NUP37: variants seen among roughly 807,000 people sequenced by gnomAD.
NUP37 encodes nucleoporin 37.
Under a neutral mutation model 45.4 loss-of-function variants are expected in NUP37, and 33 were observed. That is an observed-to-expected ratio of 0.73 (90% confidence interval 0.55 to 0.97). NUP37 has a LOEUF of 0.97. Ranked by LOEUF, NUP37 falls within the 50% of genes least tolerant of loss-of-function variation. The pLI, the probability that NUP37 is intolerant of heterozygous loss-of-function variation, is 0.00. For missense variants in NUP37, 365 were observed against 389.7 expected (o/e 0.94, Z 0.53); for synonymous variants, 127 against 130.7 (o/e 0.97, Z 0.19).
intron 3 of NUP37, among the ~76,000 whole-genome samples, chr12:102,109,970 C>CTTTT (rs1880263973): frequency 6.6e-6 from 1 of 152,178 alleles, no homozygotes; most frequent in East Asian, 1.9e-4. Flanking sequence ...AGGAAATCAA[C>CTTTT]AGCACACCAG....
rs1029175048 is a variant in NUP37 at position 102,109,913 on chromosome 12, G to A, written c.281+2195C>T. Among the ~76,000 whole-genome samples, 5 of 152,138 alleles carry A rather than the reference G, an allele frequency of 3.3e-5. No homozygotes were observed. In the South Asian group the frequency reaches 1.0e-3, roughly 32 times the overall value. On this transcript the variant is annotated intron_variant, in intron 3 of 9. Coordinates refer to ENST00000552283, the MANE Select transcript of NUP37 (RefSeq NM_024057.4). ...AAAATTTAAAGAATCAAAGAGACTT[G>A]TTCTTGTTTAGGTCTAGATATTGTG...
intron 3 of NUP37, among the ~76,000 whole-genome samples, chr12:102,107,947 A>C (rs1186345310): frequency 6.6e-6 from 1 of 152,190 alleles, no homozygotes; most frequent in Non-Finnish European, 1.5e-5. Context: ...GGCAGCCTCA[A>C]GTGTTAGTAA....
At chr12:102,119,013 A>T (rs1212091875) in intron 1 of NUP37, 1 of 152,458 alleles carries the variant, frequency 6.6e-6, no homozygotes, top group Non-Finnish European at 1.5e-5. Context: ...TCCATTTTGT[A>T]GATGGAGAAA....
At chr12:102,074,523 A>G in intron 9 of NUP37, 56 bp from the exon 10 acceptor site, 1 of 1,025,656 alleles carries the variant, frequency 9.7e-7, no homozygotes, top group Non-Finnish European at 1.4e-6. Context: ...ATTAATAAAT[A>G]AAAATGACTT....
At chr12:102,120,008 G>C (rs1565841024) in intron 1 of NUP37, 42 bp downstream of exon 1, 1 of 154,242 alleles carries the variant, frequency 6.5e-6, no homozygotes, top group Non-Finnish European at 1.4e-5. Context: ...GCGGCCGGCA[G>C]AAAAGCATCC....
chr12:102,115,604 T>A (rs1880441272), intron 2 of NUP37, among the ~76,000 whole-genome samples: 1 of 152,178 alleles, frequency 6.6e-6, no homozygotes, highest in South Asian at 2.1e-4. Context: ...TTAATGAAAA[T>A]TTGACAAATA....
At chr12:102,097,943 ATATT>A (rs1406367017) in intron 5 of NUP37, among the ~76,000 whole-genome samples, 2 of 152,224 alleles carry the variant, frequency 1.3e-5, no homozygotes, top group Non-Finnish European at 2.9e-5. Context: ...AAGATGAGCT[ATATT>A]AAGAAGATTA....
rs1879105829 is a variant in NUP37 at position 102,074,255 on chromosome 12, A to G, written c.*99T>C. 1 of 638,188 alleles carries G rather than the reference A, an allele frequency of 1.6e-6. No homozygotes were observed. Among genetic ancestry groups the G allele is most frequent in the Non-Finnish European group, 2.7e-6 (1 of 370,358 alleles). The allele number at this position is 638,188 out of a possible 1,614,324, so 39.5% of individuals were successfully genotyped here. A position where few individuals can be genotyped will look rare whatever the true frequency, so the allele number is the denominator to read the frequency against. ...TGAGACATTTTCTAAAGTATACGGTATATTTGATATAAAAATTCTTCAAAA... is the reference window on the plus strand; with the variant it reads ...TGAGACATTTTCTAAAGTATACGGTGTATTTGATATAAAAATTCTTCAAAA... On this transcript the variant is annotated 3_prime_UTR_variant, in exon 10 of 10. Transcript: ENST00000552283.
intron 6 of NUP37, among the ~76,000 whole-genome samples, chr12:102,083,068 A>G (rs1247217628): frequency 2.0e-5 from 3 of 152,194 alleles, no homozygotes; most frequent in Non-Finnish European, 4.4e-5. Flanking sequence ...TATGTAGGAG[A>G]AAAAACAAAT....
intron 5 of NUP37, among the ~76,000 whole-genome samples, chr12:102,086,913 G>A (rs540634904): frequency 1.3e-5 from 2 of 152,106 alleles, no homozygotes; most frequent in Non-Finnish European, 1.5e-5. Context: ...GTGAAACTTC[G>A]TCTCTACAAA....
chr12:102,077,335 T>G lies in NUP37; in HGVS notation c.709A>C (p.Ile237Leu). 6.2e-7 allele frequency: 1 copy of G among 1,614,072 alleles called. No individual in the cohort carries two copies. Among genetic ancestry groups the G allele is most frequent in the South Asian group, 1.1e-5 (1 of 91,078 alleles). ...VAGNDWLIWD[I>L]TRSSYPQNKR... is the part of the protein sequence containing the mutation. ...TCAAGAAAGTACCTGGACCGAGTAA[T>G]ATCCCAAATTAACCAATCATTTCCT... Residue 237 changes from isoleucine (I) to leucine (L), a missense_variant, in exon 7 of 10, where the codon ATT (isoleucine) becomes CTT (leucine). Coordinates refer to ENST00000552283, the MANE Select transcript of NUP37 (RefSeq NM_024057.4).
intron 6 of NUP37, chr12:102,079,219 G>A (rs1180885333): frequency 4.4e-6 from 2 of 455,920 alleles, no homozygotes; most frequent in South Asian, 3.1e-5. Flanking sequence ...TTTCATATCT[G>A]TAAAATGGAG....
rs754958670 is a variant in NUP37 at position 102,101,015 on chromosome 12, T to C, written c.354+17A>G. ...TTTTAAAATAAGCTCTAAAGATTTA[T>C]ATGGTTGTCAACATACCTTATATTC... On this transcript the variant is annotated intron_variant, in intron 4 of 9. Coordinates refer to ENST00000552283, the MANE Select transcript of NUP37 (RefSeq NM_024057.4). 28 of 1,395,830 alleles carry C rather than the reference T, an allele frequency of 2.0e-5. No individual in the cohort carries two copies. Among genetic ancestry groups the C allele is most frequent in the Middle Eastern group, 3.6e-4 (2 of 5,612 alleles). 86.5% of individuals were successfully genotyped at this position (1,395,830 alleles called of 1,614,324 possible).
At chr12:102,095,804 T>G (rs1879787692) in intron 5 of NUP37, among the ~76,000 whole-genome samples, 1 of 152,116 alleles carries the variant, frequency 6.6e-6, no homozygotes, top group Non-Finnish European at 1.5e-5. Flanking sequence ...TTCATTGTAT[T>G]ACTACTAACA....
intron 2 of NUP37, among the ~76,000 whole-genome samples, chr12:102,112,510 T>G (rs1880345691): frequency 6.6e-6 from 1 of 152,170 alleles, no homozygotes; most frequent in Non-Finnish European, 1.5e-5. Context: ...GAAAATGGAC[T>G]GCTTGGTCAG....
intron 6 of NUP37, among the ~76,000 whole-genome samples, chr12:102,085,220 G>C (rs886114912): frequency 3.9e-5 from 6 of 152,068 alleles, no homozygotes; most frequent in African/African-American, 1.4e-4. Flanking sequence ...AGGAGTTTGA[G>C]AGCACCCTGG....
At chr12:102,105,433 G>A (rs1339315180) in intron 3 of NUP37, among the ~76,000 whole-genome samples, 1 of 152,142 alleles carries the variant, frequency 6.6e-6, no homozygotes, top group African/African-American at 2.4e-5. Context: ...GGGAGACTGA[G>A]GTAGGAAAAT....
Position 102,098,037 on chromosome 12 carries a change from TAATA to T in NUP37, c.449+1065_449+1068del, listed in dbSNP as rs1208836126. ...CATAGTTTTATATGTACATAAGTAC[TAATA>T]AATACTAAGGATTTTGGCATAGTTT... is the stretch of plus-strand genomic sequence containing the variant. On this transcript the variant is annotated intron_variant, in intron 5 of 9. Coordinates refer to ENST00000552283, the MANE Select transcript of NUP37 (RefSeq NM_024057.4). Among the ~76,000 whole-genome samples the T allele has an allele frequency of 2.6e-5, 4 of 152,240 alleles. No individual in the cohort carries two copies. In the East Asian group the frequency reaches 7.7e-4, roughly 29 times the overall value.
intron 8 of NUP37, among the ~76,000 whole-genome samples, chr12:102,076,230 C>T (rs1384192497): frequency 1.3e-5 from 2 of 152,032 alleles, no homozygotes; most frequent in East Asian, 3.8e-4. Flanking sequence ...TAATGGTATC[C>T]CTAAGTTCTA....
Sources: allele counts gnomAD v4.1 joint callset (sites outside exome capture counted in the v4.1 genomes callset), GRCh38; gene constraint gnomAD v4.1.1; transcripts MANE v1.5; gene names NCBI Gene and HGNC (gene_info 2026-07-23, HGNC 2026-07-21).